The following FGGY variants were observed in gnomAD, a reference collection of about 807,000 sequenced individuals.
FGGY encodes the protein FGGY carbohydrate kinase domain containing, also known as FGGY carbohydrate kinase domain-containing protein.
In FGGY, 72 loss-of-function variants were observed where a neutral mutation model predicts 71.3. The observed-to-expected ratio is 1.01, with a 90% CI of 0.84 to 1.23. FGGY has a LOEUF of 1.23. Among genes scored for constraint, FGGY ranks in the 50% most tolerant of loss-of-function variants. The pLI is 0.00. For missense variants in FGGY, 668 were observed against 682.3 expected (o/e 0.98, Z 0.23); for synonymous variants, 251 against 250.3 (o/e 1.00, Z -0.02).
At chr1:59,525,595 T>C (rs1300527336) in intron 7 of FGGY, among the ~76,000 whole-genome samples, 1 of 152,222 alleles carries the variant, frequency 6.6e-6, no homozygotes, top group African/African-American at 2.4e-5. Flanking sequence ...GCAGTAAAGT[T>C]ACATTATGAA....
chr1:59,503,820 C>A (rs1379435233), intron 6 of FGGY, among the ~76,000 whole-genome samples: 1 of 151,710 alleles, frequency 6.6e-6, no homozygotes, highest in Non-Finnish European at 1.5e-5. Flanking sequence ...ACTCCCATAG[C>A]CCTTATTATA....
In FGGY at chr1:59,577,231, C is replaced by T. The variant is rs542024313; in HGVS notation, c.903+23004C>T. On this transcript the variant is annotated intron_variant, in intron 8 of 15. Coordinates refer to ENST00000303721, the MANE Select transcript of FGGY (RefSeq NM_018291.5). ...TCTGCTGCCAGTTGATAGACTTTGCCCCTAAAGATTCTGAACTTTATTTGA... is the reference window on the plus strand; with the variant it reads ...TCTGCTGCCAGTTGATAGACTTTGCTCCTAAAGATTCTGAACTTTATTTGA... 3.3e-5 allele frequency among the ~76,000 whole-genome samples: 5 copies of T among 152,202 alleles called. No homozygotes were observed. In the East Asian group the frequency reaches 9.7e-4, roughly 29 times the overall value.
intron 5 of FGGY, among the ~76,000 whole-genome samples, chr1:59,451,593 GTCTACTGGTTCC>G (rs1488251067): frequency 2.0e-5 from 3 of 152,062 alleles, no homozygotes; most frequent in Non-Finnish European, 2.9e-5. Flanking sequence ...GGGTCTCAGT[GTCTACTGGTTCC>G]TCTAGTCTTT....
intron 4 of FGGY, among the ~76,000 whole-genome samples, chr1:59,356,845 A>G (rs2054417565): frequency 6.6e-6 from 1 of 152,160 alleles, no homozygotes; most frequent in Admixed American, 6.5e-5. Flanking sequence ...TTTGTATGCA[A>G]AGTGAAGGCT....
intron 7 of FGGY, among the ~76,000 whole-genome samples, chr1:59,522,554 G>A (rs766142925): frequency 1.4e-4 from 22 of 152,202 alleles, no homozygotes; most frequent in Non-Finnish European, 2.8e-4. Flanking sequence ...TATTGGGGTT[G>A]TGTGGTGGAG....
chr1:59,745,499 G>A (rs1352849868), intron 14 of FGGY, among the ~76,000 whole-genome samples: 1 of 152,160 alleles, frequency 6.6e-6, no homozygotes, highest in Admixed American at 6.5e-5. Context: ...GGATCATCAT[G>A]GGAAGGAATT....
intron 14 of FGGY, among the ~76,000 whole-genome samples, chr1:59,757,279 T>C (rs2098299956): frequency 6.6e-6 from 1 of 152,196 alleles, no homozygotes; most frequent in African/African-American, 2.4e-5. Flanking sequence ...TTAATCTTGA[T>C]GCTGCACCTA....
chr1:59,365,830 G>A (rs971752394), intron 4 of FGGY, among the ~76,000 whole-genome samples: 5 of 152,206 alleles, frequency 3.3e-5, no homozygotes, highest in Non-Finnish European at 5.9e-5. Flanking sequence ...TGACTTATCA[G>A]GCACTTTATA....
chr1:59,723,758 C>T (rs762267004), intron 14 of FGGY, among the ~76,000 whole-genome samples: 3 of 152,144 alleles, frequency 2.0e-5, no homozygotes, highest in South Asian at 2.1e-4. Context: ...TTAAAATTTA[C>T]GTACATTAAG....
intron 14 of FGGY, among the ~76,000 whole-genome samples, chr1:59,720,969 A>C (rs1394605175): frequency 6.6e-6 from 1 of 152,074 alleles, no homozygotes; most frequent in African/African-American, 2.4e-5. Context: ...GCACACTTCC[A>C]ACTCAGGGCT....
chr1:59,322,275 G>A (rs1013543430), intron 2 of FGGY, among the ~76,000 whole-genome samples: 17 of 149,348 alleles, frequency 1.1e-4, no homozygotes, highest in South Asian at 4.2e-4. Flanking sequence ...CCAGAGGTGC[G>A]CTCTTTTTTT....
intron 2 of FGGY, among the ~76,000 whole-genome samples, chr1:59,326,820 C>T (rs2047520239): frequency 6.6e-6 from 1 of 151,942 alleles, no homozygotes; most frequent in South Asian, 2.1e-4. Context: ...AAATTCAGTT[C>T]CAGAACACCA....
intron 4 of FGGY, among the ~76,000 whole-genome samples, chr1:59,350,803 C>G (rs2053128073): frequency 6.6e-6 from 1 of 152,144 alleles, no homozygotes; most frequent in Admixed American, 6.5e-5. Flanking sequence ...AGATAAATTC[C>G]AGAAACTGAA....
chr1:59,472,220 G>C (rs1160976172), intron 6 of FGGY, among the ~76,000 whole-genome samples: 1 of 152,144 alleles, frequency 6.6e-6, no homozygotes, highest in Non-Finnish European at 1.5e-5. Flanking sequence ...CCCGCACTTG[G>C]AGCGGTCGGC....
At chr1:59,410,403 G>T (rs760810227) in intron 5 of FGGY, among the ~76,000 whole-genome samples, 1 of 152,142 alleles carries the variant, frequency 6.6e-6, no homozygotes, top group Non-Finnish European at 1.5e-5. Context: ...TGAGTCACTT[G>T]CTTGCCCACA....
rs377008495 is a variant in FGGY at position 59,407,558 on chromosome 1, G to GA, written c.554+28730dup. On this transcript the variant is annotated intron_variant, in intron 5 of 15. Coordinates refer to ENST00000303721, the MANE Select transcript of FGGY (RefSeq NM_018291.5). The stretch of plus-strand genomic sequence containing the variant: ...TGACTAGCTCATCCACGGGGAGAGA[G>GA]AAAAAAAAATATTCTGATAGTTATC... Among the ~76,000 whole-genome samples the GA allele has an allele frequency of 3.4e-3, 520 of 151,306 alleles. 1 individual carries two copies. The highest frequency in any genetic ancestry group is 0.012 in the African/African-American group (475 of 41,266).
At chr1:59,508,304 T>C (rs1232479145) in intron 6 of FGGY, among the ~76,000 whole-genome samples, 2 of 152,332 alleles carry the variant, frequency 1.3e-5, no homozygotes, top group East Asian at 1.9e-4. Context: ...AGCACCTAGA[T>C]CTTAGCACAT....
intron 14 of FGGY, among the ~76,000 whole-genome samples, chr1:59,695,065 T>A (rs1385220387): frequency 6.6e-6 from 1 of 152,150 alleles, no homozygotes; most frequent in Non-Finnish European, 1.5e-5. Context: ...ACAAAACAGG[T>A]TTGAAAACTC....
intron 10 of FGGY, among the ~76,000 whole-genome samples, chr1:59,629,576 C>T (rs1362658247): frequency 6.6e-6 from 1 of 152,178 alleles, no homozygotes; most frequent in Non-Finnish European, 1.5e-5. Context: ...TTCCTAATTT[C>T]GGATCATCAA....
Sources: allele counts gnomAD v4.1 joint callset (sites outside exome capture counted in the v4.1 genomes callset), GRCh38; gene constraint gnomAD v4.1.1; transcripts MANE v1.5; gene names NCBI Gene and HGNC (gene_info 2026-07-23, HGNC 2026-07-21).